The following BCKDHB variants were observed in gnomAD, a reference collection of about 807,000 sequenced individuals.
BCKDHB encodes the protein branched chain keto acid dehydrogenase E1 subunit beta, also known as 2-oxoisovalerate dehydrogenase subunit beta, mitochondrial.
Under a neutral mutation model 48.5 loss-of-function variants are expected in BCKDHB, and 41 were observed. The observed-to-expected ratio is 0.85, with a 90% CI of 0.66 to 1.10. BCKDHB has a LOEUF of 1.10. Among genes scored for constraint, BCKDHB ranks in the 50% least tolerant of loss-of-function variants. The pLI is 0.00. For missense variants in BCKDHB, 496 were observed against 494.2 expected, an observed-to-expected ratio of 1.00 and a Z score of -0.03; for synonymous variants, 201 against 174.8, an observed-to-expected ratio of 1.15 and a Z score of -1.18.
intron 9 of BCKDHB, among the ~76,000 whole-genome samples, chr6:80,288,194 A>C (rs1164269968): frequency 1.3e-5 from 2 of 152,118 alleles, no homozygotes; most frequent in African/African-American, 4.8e-5. Context: ...TAGCTGCTCG[A>C]GTAAGTGAAA....
chr6:80,410,556 TTC>T, the BCKDHB span, among the ~76,000 whole-genome samples: 1 of 152,238 alleles, frequency 6.6e-6, no homozygotes, highest in South Asian at 2.1e-4. Context: ...CTTGGTTCCA[TTC>T]TCCCTGTCAC....
chr6:80,371,066 C>T, the BCKDHB span, among the ~76,000 whole-genome samples: 1 of 152,138 alleles, frequency 6.6e-6, no homozygotes, highest in Admixed American at 6.5e-5. Context: ...AATCCCCACA[C>T]TATTTTCCAT....
chr6:80,256,777 T>G (rs1423518718), intron 8 of BCKDHB, among the ~76,000 whole-genome samples: 1 of 152,208 alleles, frequency 6.6e-6, no homozygotes, highest in Non-Finnish European at 1.5e-5. Flanking sequence ...TTATGTTGGC[T>G]TAGCTGTTTA....
intron 8 of BCKDHB, among the ~76,000 whole-genome samples, chr6:80,245,691 G>A (rs1168871603): frequency 1.3e-5 from 2 of 152,136 alleles, no homozygotes; most frequent in Non-Finnish European, 2.9e-5. Flanking sequence ...AGAACACCAC[G>A]AAGGAGCAGC....
At chr6:80,112,492 A>G (rs1045560729) in intron 1 of BCKDHB, among the ~76,000 whole-genome samples, 9 of 152,224 alleles carry the variant, frequency 5.9e-5, no homozygotes, top group African/African-American at 2.2e-4. Flanking sequence ...AGCAAACTCC[A>G]GAATTCCAAG....
chr6:80,337,869 T>C (rs1406727988), intron 9 of BCKDHB, among the ~76,000 whole-genome samples: 2 of 152,212 alleles, frequency 1.3e-5, no homozygotes, highest in East Asian at 3.8e-4. Context: ...TTTTGACTTA[T>C]GATATGTTTC....
At chr6:80,193,203 T>C (rs1003944786) in intron 6 of BCKDHB, among the ~76,000 whole-genome samples, 2 of 151,984 alleles carry the variant, frequency 1.3e-5, no homozygotes, top group Admixed American at 1.3e-4. Context: ...TACCAGTTAA[T>C]TAATTATTGA....
chr6:80,147,886 T>C (rs1420944095), intron 3 of BCKDHB, among the ~76,000 whole-genome samples: 1 of 151,928 alleles, frequency 6.6e-6, no homozygotes, highest in East Asian at 1.9e-4. Flanking sequence ...TCAGGGAGAA[T>C]TGACAGGATT....
At chr6:80,234,542 T>A (rs1029574939) in intron 8 of BCKDHB, among the ~76,000 whole-genome samples, 2 of 152,182 alleles carry the variant, frequency 1.3e-5, no homozygotes, top group African/African-American at 4.8e-5. Context: ...ACAATAGCTA[T>A]GCTGAGAAGA....
chr6:80,415,025 C>A, the BCKDHB span, among the ~76,000 whole-genome samples: 1 of 149,934 alleles, frequency 6.7e-6, no homozygotes, highest in Non-Finnish European at 1.5e-5. Context: ...GTGTGTGTGG[C>A]AATTGTGAAT....
chr6:80,152,157 ATTC>A (rs1485557352), intron 3 of BCKDHB, among the ~76,000 whole-genome samples: 1 of 126,656 alleles, frequency 7.9e-6, no homozygotes, highest in East Asian at 2.8e-4. Context: ...ATATTTTTGT[ATTC>A]TTTTTTTTTT....
intron 6 of BCKDHB, among the ~76,000 whole-genome samples, chr6:80,193,049 G>C (rs1462568380): frequency 6.6e-6 from 1 of 151,968 alleles, no homozygotes; most frequent in Admixed American, 6.5e-5. Flanking sequence ...TCGAACTCCT[G>C]ACCCCAAGGT....
chr6:80,316,510 G>C (rs1226382991), intron 9 of BCKDHB, among the ~76,000 whole-genome samples: 1 of 151,836 alleles, frequency 6.6e-6, no homozygotes, highest in Non-Finnish European at 1.5e-5. Context: ...ATGACTATTT[G>C]GTGGGTAACA....
At chr6:80,464,283 C>T in the BCKDHB span, among the ~76,000 whole-genome samples, 26 of 152,052 alleles carry the variant, frequency 1.7e-4, no homozygotes, top group African/African-American at 4.1e-4. Flanking sequence ...TGTGTCACCA[C>T]GCCCGGCTAA....
the BCKDHB span, among the ~76,000 whole-genome samples, chr6:80,367,414 T>C: frequency 1.2e-3 from 188 of 152,340 alleles, no homozygotes; most frequent in African/African-American, 4.4e-3. Flanking sequence ...CTCATACATA[T>C]ATATGTATTT....
the BCKDHB span, among the ~76,000 whole-genome samples, chr6:80,357,272 G>C: frequency 6.6e-6 from 1 of 152,076 alleles, no homozygotes; most frequent in Non-Finnish European, 1.5e-5. Context: ...AATTGTCCTG[G>C]AACCTAGTGA....
chr6:80,145,810 G>T (rs1336646103), intron 3 of BCKDHB, among the ~76,000 whole-genome samples: 1 of 152,126 alleles, frequency 6.6e-6, no homozygotes, highest in Non-Finnish European at 1.5e-5. Context: ...GGTAGTTACT[G>T]TTGAAGTATA....
intron 6 of BCKDHB, among the ~76,000 whole-genome samples, chr6:80,181,659 A>G (rs76245713): frequency 0.019 from 2,950 of 152,290 alleles, 93 homozygotes; most frequent in African/African-American, 0.067. Context: ...GGCTGGCTCA[A>G]GCTTGTTCAC....
chr6:80,117,582 G>T (rs150500499), intron 1 of BCKDHB, among the ~76,000 whole-genome samples: 1 of 152,228 alleles, frequency 6.6e-6, no homozygotes, highest in African/African-American at 2.4e-5. Flanking sequence ...CTGCAAAGTT[G>T]TGGGTTTACG....
Sources: gnomAD v4.1 joint callset for allele counts (sites outside exome capture counted in the v4.1 genomes callset) on GRCh38, gnomAD v4.1.1 for gene constraint, MANE v1.5 for transcripts, NCBI Gene and HGNC (gene_info 2026-07-23, HGNC 2026-07-21) for gene names.